The following IDH3B variants were observed in gnomAD, a reference collection of about 807,000 sequenced individuals.
The protein encoded by IDH3B is isocitrate dehydrogenase [NAD] subunit beta, mitochondrial.
In IDH3B, 40 loss-of-function variants were observed where a neutral mutation model predicts 47.5. That is an observed-to-expected ratio of 0.84 (90% CI 0.65 to 1.10). The LOEUF (loss-of-function observed/expected upper bound fraction) is 1.10, where lower values mean the gene tolerates loss of function less well. Ranked by LOEUF, IDH3B falls within the 50% of genes least tolerant of loss-of-function variation. The pLI is 0.00. For synonymous variants in IDH3B, 185 were observed against 191.0 expected (o/e 0.97, Z 0.26); for missense variants, 450 against 505.2 (o/e 0.89, Z 1.05).
chr20:2,658,465 T>C lies in IDH3B; in HGVS notation c.*286A>G, dbSNP rs1184746036. 6.2e-7 allele frequency: 1 copy of C among 1,614,122 alleles called. No homozygotes were observed. Among genetic ancestry groups the C allele is most frequent in the African/African-American group, 1.3e-5 (1 of 75,024 alleles). ...GCCTATGGGTGGGGCAAGGCAGCAATGACAGCCTCAGTGAAGTCATGGCAA... is the reference window on the plus strand; with the variant it reads ...GCCTATGGGTGGGGCAAGGCAGCAACGACAGCCTCAGTGAAGTCATGGCAA... On this transcript the variant is annotated 3_prime_UTR_variant, in exon 12 of 12. Coordinates refer to ENST00000380843, the MANE Select transcript of IDH3B (RefSeq NM_006899.5).
chr20:2,660,832 G>C lies in IDH3B; in HGVS notation c.399-3C>G, dbSNP rs1568549163. The C allele has an allele frequency of 1.2e-6, 2 of 1,614,198 alleles. No individual in the cohort carries two copies. The highest frequency in any genetic ancestry group is 1.7e-6 in the Non-Finnish European group (2 of 1,180,042). ...TGGCAAATAAGTCCAACTTACGCCTGAGGGTGGGCAGGGCCATCAGCTCTG... is the reference window on the plus strand; with the variant it reads ...TGGCAAATAAGTCCAACTTACGCCTCAGGGTGGGCAGGGCCATCAGCTCTG... On this transcript the variant is annotated splice_polypyrimidine_tract_variant and splice_region_variant and intron_variant, in intron 5 of 11. Coordinates refer to ENST00000380843, the MANE Select transcript of IDH3B (RefSeq NM_006899.5). This position sits in a 1 kb window ranked among gnomAD's most constrained non-coding sequence, Gnocchi z 5.6.
At chr20:2,659,237 G>A (rs1316826495) in intron 11 of IDH3B, 2 of 1,442,804 alleles carry the variant, frequency 1.4e-6, no homozygotes, top group Non-Finnish European at 1.8e-6. Context: ...CCCAAGGAGA[G>A]CTGCAAGTTC....
In IDH3B at chr20:2,660,489, GC is replaced by G; in HGVS notation, c.632del (p.Gly211AlafsTer12). On this transcript the variant is annotated frameshift_variant, in exon 7 of 12. Coordinates refer to ENST00000380843, the MANE Select transcript of IDH3B (RefSeq NM_006899.5). LOFTEE classifies it high-confidence loss of function. The surrounding 1 kb of genome is among the most constrained non-coding windows in gnomAD (Gnocchi z 5.6). ...TGGCCTTGTGGACAGCAGTGACCTTGCCCCGCCCCTTCTTGGTGGCATAGTC... is the reference window on the plus strand; with the variant it reads ...TGGCCTTGTGGACAGCAGTGACCTTGCCCGCCCCTTCTTGGTGGCATAGTC... ...AFDYATKKGR[G>X]KVTAVHKANI... 1 of 1,613,624 alleles carries G rather than the reference GC, an allele frequency of 6.2e-7. No individual in the cohort carries two copies. The highest frequency in any genetic ancestry group is 8.5e-7 in the Non-Finnish European group (1 of 1,179,890).
At chr20:2,659,885 T>G in intron 9 of IDH3B, 92 bp from the exon 10 acceptor site, 1 of 1,424,932 alleles carries the variant, frequency 7.0e-7, no homozygotes, top group Non-Finnish European at 9.9e-7. Flanking sequence ...GAGGGGGAGC[T>G]CAGGCCAGGG....
intron 4 of IDH3B, among the ~76,000 whole-genome samples, chr20:2,662,166 C>T (rs576789843): frequency 6.6e-6 from 1 of 152,280 alleles, no homozygotes; most frequent in South Asian, 2.1e-4. Context: ...TAATGATAAG[C>T]CACCAGGTTC....
intron 1 of IDH3B, 43 bp from the exon 2 acceptor site, chr20:2,664,048 A>T (rs2087002598): frequency 6.2e-7 from 1 of 1,612,374 alleles, no homozygotes; most frequent in African/African-American, 1.3e-5. Context: ...GCTTTGAGAC[A>T]TCCAGACCCC....
Position 2,660,675 on chromosome 20 carries a change from C to T in IDH3B, c.531+22G>A, listed in dbSNP as rs748285209. ...TCTCTCCCATCTTCATCCTTGCCCT[C>T]CCCCAGTTTCTGGGGCCTCACCTCA... On this transcript the variant is annotated intron_variant, in intron 6 of 11. Coordinates refer to ENST00000380843, the MANE Select transcript of IDH3B (RefSeq NM_006899.5). The surrounding 1 kb of genome is among the most constrained non-coding windows in gnomAD (Gnocchi z 5.6). 65 of 1,614,050 alleles carry T rather than the reference C, an allele frequency of 4.0e-5. No homozygotes were observed. Among genetic ancestry groups the T allele is most frequent in the Non-Finnish European group, 5.5e-5 (65 of 1,180,018 alleles).
intron 4 of IDH3B, among the ~76,000 whole-genome samples, chr20:2,661,175 T>TTC (rs1252687617): frequency 1.2e-5 from 1 of 81,742 alleles, no homozygotes; most frequent in Non-Finnish European, 2.8e-5. Flanking sequence ...CTATTGCATT[T>TTC]TCTGTGTGTG....
intron 9 of IDH3B, 36 bp from the exon 10 acceptor site, chr20:2,659,829 G>T (rs756901416): frequency 2.6e-6 from 4 of 1,528,106 alleles, no homozygotes; most frequent in Non-Finnish European, 3.6e-6. Flanking sequence ...ACTGGGAGGA[G>T]GCAGGAGGGG....
chr20:2,661,084 C>A (rs1229188876), intron 4 of IDH3B, 115 bp from the exon 5 acceptor site: 38 of 848,018 alleles, frequency 4.5e-5, no homozygotes, highest in Non-Finnish European at 6.4e-5. Context: ...ATCTCCCATT[C>A]CCACATCAGT....
rs1268167276 is a variant in IDH3B, at chr20:2,658,523, C to T, written c.*228G>A. The T allele has an allele frequency of 1.2e-6, 2 of 1,613,930 alleles. No homozygotes were observed. Among genetic ancestry groups the T allele is most frequent in the South Asian group, 1.1e-5 (1 of 91,010 alleles). On this transcript the variant is annotated 3_prime_UTR_variant, in exon 12 of 12. Coordinates refer to ENST00000380843, the MANE Select transcript of IDH3B (RefSeq NM_006899.5). ...AGCCACCCATGTCAGAGGTTCGAAC[C>T]TGTGGGGGAGAATCATCATCATCCA...
chr20:2,659,203 G>T (rs1036917158), intron 11 of IDH3B: 15 of 1,343,922 alleles, frequency 1.1e-5, no homozygotes, highest in Admixed American at 3.7e-5. Flanking sequence ...GCTTCAGCCT[G>T]CCTGTATCCC....
chr20:2,658,623 C>G lies in IDH3B; in HGVS notation c.*128G>C, dbSNP rs1002224395. On this transcript the variant is annotated 3_prime_UTR_variant, in exon 12 of 12. Coordinates refer to ENST00000380843, the MANE Select transcript of IDH3B (RefSeq NM_006899.5). ...TCCCCTAAGGAAGCCGGCCCAAGGA[C>G]AACCTAGGCTCTACCCAGCAAGGTG... 1.9e-6 allele frequency: 3 copies of G among 1,613,370 alleles called. No homozygotes were observed. The highest frequency in any genetic ancestry group is 2.5e-6 in the Non-Finnish European group (3 of 1,179,726).
rs1025309779 is a variant in IDH3B at position 2,659,888 on chromosome 20, G to C, written c.916-95C>G. 7 of 1,433,338 alleles carry C rather than the reference G, an allele frequency of 4.9e-6. No homozygotes were observed. In the East Asian group the frequency reaches 1.6e-4, roughly 33 times the overall value. The allele number at this position is 1,433,338 out of a possible 1,614,324, so 88.8% of individuals were successfully genotyped here. A position where few individuals can be genotyped will look rare whatever the true frequency, so the allele number is the denominator to read the frequency against. ...AGGACATTATGGGAGGGGGAGCTCA[G>C]GCCAGGGTCACTGAAAAGAGGCATG... On this transcript the variant is annotated intron_variant, in intron 9 of 11. Coordinates refer to ENST00000380843, the MANE Select transcript of IDH3B (RefSeq NM_006899.5).
chr20:2,661,539 G>A (rs1303889946), intron 4 of IDH3B, among the ~76,000 whole-genome samples: 2 of 152,106 alleles, frequency 1.3e-5, no homozygotes. Context: ...TCAAAAAAGA[G>A]CCTGGGTTTA....
At chr20:2,659,616 TCCC>T (rs1278754621) in intron 10 of IDH3B, 31 bp from the exon 11 acceptor site, 1 of 1,612,598 alleles carries the variant, frequency 6.2e-7, no homozygotes, top group Non-Finnish European at 8.5e-7. Flanking sequence ...AAACTGTGAC[TCCC>T]CCAAGACACC....
At position 2,658,664 on chromosome 20, in the gene IDH3B, T is replaced by C. The variant is rs1292568387; in HGVS notation, c.*87A>G. On this transcript the variant is annotated 3_prime_UTR_variant, in exon 12 of 12. Coordinates refer to ENST00000380843, the MANE Select transcript of IDH3B (RefSeq NM_006899.5). ...CAGCAAGGTGACCATGGTCCACTGCTTAGAGGCACAAGGTCTCTTCCCTGG... is the reference window on the plus strand; with the variant it reads ...CAGCAAGGTGACCATGGTCCACTGCCTAGAGGCACAAGGTCTCTTCCCTGG... 1.2e-6 allele frequency: 2 copies of C among 1,613,974 alleles called. No individual in the cohort carries two copies. Among genetic ancestry groups the C allele is most frequent in the Admixed American group, 3.3e-5 (2 of 60,024 alleles).
chr20:2,659,489 T>C, intron 11 of IDH3B, 36 bp downstream of exon 11: 1 of 1,608,292 alleles, frequency 6.2e-7, no homozygotes, highest in Non-Finnish European at 8.5e-7. Context: ...AGAACTACTC[T>C]AAATCCTGAA....
Position 2,664,000 on chromosome 20 carries a change from C to T in IDH3B, c.42G>A (p.Leu14=), listed in dbSNP as rs374822227. The T allele has an allele frequency of 5.3e-5, 85 of 1,614,024 alleles. No individual in the cohort carries two copies. The highest frequency in any genetic ancestry group is 6.8e-5 in the Non-Finnish European group (80 of 1,180,032). ...ATGCCCCAGGGTTCCCGGCGGAGACCAGCGCCTGCAACAGGGACACACAAG... is the reference window on the plus strand; with the variant it reads ...ATGCCCCAGGGTTCCCGGCGGAGACTAGCGCCTGCAACAGGGACACACAAG... ...LSGVRWLTRA[L]VSAGNPGAWR... The change falls in exon 2 of 12, where the codon CTG becomes CTA. Residue 14 remains leucine, a synonymous_variant. Coordinates refer to ENST00000380843, the MANE Select transcript of IDH3B (RefSeq NM_006899.5).
Sources: gnomAD v4.1 joint callset for allele counts (sites outside exome capture counted in the v4.1 genomes callset) on GRCh38, gnomAD v4.1.1 for gene constraint, Gnocchi (gnomAD v3.1) non-coding constraint, MANE v1.5 for transcripts, NCBI Gene and HGNC (gene_info 2026-07-23, HGNC 2026-07-21) for gene names.